Variants in WNT7A observed in about 807,000 individuals in gnomAD.
The protein encoded by WNT7A is protein Wnt-7a.
Under a neutral mutation model 28.2 loss-of-function variants are expected in WNT7A, and 16 were observed. The ratio of observed to expected loss-of-function variants is 0.57; its 90% CI spans 0.38 to 0.86. The LOEUF is 0.86. Ranked by LOEUF, WNT7A falls within the 40% of genes least tolerant of loss-of-function variation. The pLI is 0.00. For synonymous variants in WNT7A, 190 were observed against 195.9 expected (o/e 0.97, Z 0.25); for missense variants, 411 against 489.7 (o/e 0.84, Z 1.52).
At chr3:13,876,384 G>T (rs1291409359) in intron 1 of WNT7A, among the ~76,000 whole-genome samples, 1 of 152,206 alleles carries the variant, frequency 6.6e-6, no homozygotes, top group Non-Finnish European at 1.5e-5. Flanking sequence ...AGCACTGAAG[G>T]GTGTAAGCAG....
chr3:13,821,387 T>C (rs1694107865), intron 3 of WNT7A, among the ~76,000 whole-genome samples: 1 of 152,202 alleles, frequency 6.6e-6, no homozygotes, highest in Non-Finnish European at 1.5e-5. Context: ...AGGCTGAGGA[T>C]GCACATGCCT....
At chr3:13,834,542 T>A (rs1247614142) in intron 3 of WNT7A, among the ~76,000 whole-genome samples, 1 of 151,984 alleles carries the variant, frequency 6.6e-6, no homozygotes, top group Non-Finnish European at 1.5e-5. Flanking sequence ...CCTCTTTGAC[T>A]TCATCTCCTA....
intron 3 of WNT7A, among the ~76,000 whole-genome samples, chr3:13,825,982 G>T (rs962795300): frequency 6.6e-6 from 1 of 152,160 alleles, no homozygotes; most frequent in South Asian, 2.1e-4. Context: ...GAAATCCCCC[G>T]CCTCTGATGA....
At chr3:13,850,775 G>A (rs1265808877) in intron 3 of WNT7A, among the ~76,000 whole-genome samples, 1 of 152,070 alleles carries the variant, frequency 6.6e-6, no homozygotes, top group Non-Finnish European at 1.5e-5. Context: ...TATTATCATG[G>A]AGGCTCGGAG....
At chr3:13,822,676 T>C (rs1009942234) in intron 3 of WNT7A, among the ~76,000 whole-genome samples, 5 of 152,248 alleles carry the variant, frequency 3.3e-5, no homozygotes, top group African/African-American at 9.6e-5. Flanking sequence ...TTAAAAGCCA[T>C]TGAATTGCAT....
intron 2 of WNT7A, among the ~76,000 whole-genome samples, chr3:13,856,959 GAAGA>G (rs1559303354): frequency 4.0e-5 from 5 of 125,260 alleles, no homozygotes; most frequent in Admixed American, 8.0e-5. Context: ...AGAAGAAGAA[GAAGA>G]AGAAGGAGAA....
At chr3:13,878,282 C>T (rs1695142975) in intron 1 of WNT7A, among the ~76,000 whole-genome samples, 1 of 152,196 alleles carries the variant, frequency 6.6e-6, no homozygotes, top group Non-Finnish European at 1.5e-5. Flanking sequence ...TCCCTCCTCC[C>T]CGTTTCTAAT....
At position 13,819,025 on chromosome 3, in the gene WNT7A, C is replaced by T; in HGVS notation, c.969G>A (p.Gln323=). 6.2e-7 allele frequency: 1 copy of T among 1,612,394 alleles called. No homozygotes were observed. Among genetic ancestry groups the T allele is most frequent in the Non-Finnish European group, 8.5e-7 (1 of 1,178,576 alleles). The part of the protein sequence containing the change: ...YNTHQYARVW[Q]CNCKFHWCCY... ...AGCACCAGTGGAACTTACAGTTGCACTGCCACACGCGGGCGTACTGGTGGG... is the reference window on the plus strand; with the variant it reads ...AGCACCAGTGGAACTTACAGTTGCATTGCCACACGCGGGCGTACTGGTGGG... Residue 323 remains glutamine (Q), a synonymous_variant, in exon 4 of 4, where the codon CAG becomes CAA. Transcript: ENST00000285018.
intron 3 of WNT7A, among the ~76,000 whole-genome samples, chr3:13,831,347 T>C (rs1440638163): frequency 1.3e-5 from 2 of 152,260 alleles, no homozygotes; most frequent in South Asian, 2.1e-4. Flanking sequence ...ATTTCACAGA[T>C]GAGCAGACTG....
chr3:13,830,906 G>A (rs1203208297), intron 3 of WNT7A, among the ~76,000 whole-genome samples: 1 of 152,128 alleles, frequency 6.6e-6, no homozygotes, highest in African/African-American at 2.4e-5. Flanking sequence ...CACTGGGTAA[G>A]TGAGTCCCTC....
chr3:13,868,486 A>G (rs1694945222), intron 2 of WNT7A, among the ~76,000 whole-genome samples: 1 of 134,188 alleles, frequency 7.5e-6, no homozygotes, highest in African/African-American at 3.3e-5. Context: ...AAAGGAAAGA[A>G]CGAAAGAAAG....
intron 3 of WNT7A, among the ~76,000 whole-genome samples, chr3:13,850,297 G>T (rs369053470): frequency 1.3e-5 from 2 of 152,178 alleles, no homozygotes; most frequent in Admixed American, 6.5e-5. Flanking sequence ...AGTGGCCCTC[G>T]GGACAGCAGA....
At position 13,854,782 on chromosome 3, in the gene WNT7A, G is replaced by A. The variant is rs767029914; in HGVS notation, c.320C>T (p.Thr107Ile). 1.9e-6 allele frequency: 3 copies of A among 1,613,372 alleles called. No homozygotes were observed. The highest frequency in any genetic ancestry group is 1.1e-5 in the South Asian group (1 of 91,066). The change falls in exon 3 of 4, where the codon ACC becomes ATC. Residue 107 changes from threonine to isoleucine, a missense_variant. By Grantham distance (89) the Thr-to-Ile change is moderately conservative. Transcript: ENST00000285018. ...CACGCCGGCGGCAATGATGGCGTAG[G>A]TGAACGCAGCCTCCCGGCTCCCTGC... ...LKVGSREAAF[T>I]YAIIAAGVAH...
intron 3 of WNT7A, among the ~76,000 whole-genome samples, chr3:13,825,377 C>T (rs1273741672): frequency 6.6e-6 from 1 of 152,182 alleles, no homozygotes; most frequent in Non-Finnish European, 1.5e-5. Context: ...GCCTATACGT[C>T]AGCATTCCCC....
chr3:13,861,704 G>C (rs1055413476), intron 2 of WNT7A, among the ~76,000 whole-genome samples: 1 of 152,206 alleles, frequency 6.6e-6, no homozygotes, highest in Non-Finnish European at 1.5e-5. Flanking sequence ...ACCGGAGGAG[G>C]TGAGGCTGTG....
chr3:13,865,752 C>T (rs368037633), intron 2 of WNT7A, among the ~76,000 whole-genome samples: 1 of 152,216 alleles, frequency 6.6e-6, no homozygotes, highest in Non-Finnish European at 1.5e-5. Context: ...GGGGGCCATA[C>T]ACTTCTTCAC....
At chr3:13,829,574 C>G (rs765615318) in intron 3 of WNT7A, among the ~76,000 whole-genome samples, 1 of 152,120 alleles carries the variant, frequency 6.6e-6, no homozygotes, top group Admixed American at 6.6e-5. Flanking sequence ...AAGGAGCCAT[C>G]GGATGGAGGT....
chr3:13,868,582 GAGAGAGAGGGAGAA>G (rs1294483702), intron 2 of WNT7A, among the ~76,000 whole-genome samples: 1 of 16,906 alleles, frequency 5.9e-5, no homozygotes, highest in African/African-American at 3.4e-4. Context: ...GAGAGAGAGA[GAGAGAGAGGGAGAA>G]AGAAAGAAAG....
chr3:13,868,910 AGAAG>A (rs1394749322), intron 2 of WNT7A, among the ~76,000 whole-genome samples: 3 of 141,254 alleles, frequency 2.1e-5, no homozygotes, highest in South Asian at 2.4e-4. Flanking sequence ...AAGGAAGGAA[AGAAG>A]GAAGGAAGGA....
Sources: allele counts gnomAD v4.1 joint callset (sites outside exome capture counted in the v4.1 genomes callset), GRCh38; gene constraint gnomAD v4.1.1; transcripts MANE v1.5; gene names NCBI Gene and HGNC (gene_info 2026-07-23, HGNC 2026-07-21).